PSD2: variants seen among roughly 807,000 people sequenced by gnomAD.
PSD2 encodes PH and SEC7 domain-containing protein 2.
In PSD2, 38 loss-of-function variants were observed where a neutral mutation model predicts 69.8. The observed-to-expected ratio is 0.54, with a 90% CI of 0.42 to 0.71. PSD2 has a LOEUF of 0.71. Ranked by LOEUF, PSD2 falls within the 30% of genes least tolerant of loss-of-function variation. The pLI is 0.00. For synonymous variants in PSD2, 412 were observed against 423.0 expected (o/e 0.97, Z 0.32); for missense variants, 943 against 1,014.5 (o/e 0.93, Z 0.96).
chr5:139,769,470 G>A, the PSD2 span, among the ~76,000 whole-genome samples: 2 of 152,098 alleles, frequency 1.3e-5, no homozygotes, highest in Non-Finnish European at 2.9e-5. Flanking sequence ...GCTCCTCTGT[G>A]GGGGGCAGCC....
chr5:139,834,212 G>A (rs920143340), intron 8 of PSD2, among the ~76,000 whole-genome samples: 20 of 152,152 alleles, frequency 1.3e-4, no homozygotes, highest in African/African-American at 4.8e-4. Context: ...TGGAACTCTA[G>A]CCTTTCTAGT....
the PSD2 span, among the ~76,000 whole-genome samples, chr5:139,782,385 T>C: frequency 1.8e-4 from 28 of 152,220 alleles, 1 homozygote; most frequent in African/African-American, 6.5e-4. Context: ...CGTTTTGCCA[T>C]GTTGGCCAGG....
the PSD2 span, among the ~76,000 whole-genome samples, chr5:139,766,915 T>C: frequency 2.2e-3 from 55 of 25,124 alleles, 1 homozygote; most frequent in Admixed American, 0.011. Flanking sequence ...CTCCCTTCCT[T>C]CCTTCCTTCC....
At chr5:139,774,028 A>T in the PSD2 span, among the ~76,000 whole-genome samples, 1 of 152,020 alleles carries the variant, frequency 6.6e-6, no homozygotes, top group Non-Finnish European at 1.5e-5. Flanking sequence ...GGTTTACATC[A>T]TAGCTCACTG....
upstream of PSD2, among the ~76,000 whole-genome samples, chr5:139,793,441 C>T (rs960719585): frequency 6.6e-6 from 1 of 152,208 alleles, no homozygotes; most frequent in African/African-American, 2.4e-5. Flanking sequence ...TGCCCATAGC[C>T]ACACAGCTAG....
the PSD2 span, among the ~76,000 whole-genome samples, chr5:139,759,046 T>A: frequency 3.3e-5 from 5 of 151,504 alleles, no homozygotes; most frequent in Non-Finnish European, 7.4e-5. Context: ...CAGGTAGTAC[T>A]GAAGGGGAGA....
chr5:139,766,917 C>T, the PSD2 span, among the ~76,000 whole-genome samples: 3,580 of 29,034 alleles, frequency 0.12, 518 homozygotes, highest in Non-Finnish European at 0.17. Context: ...CCCTTCCTTC[C>T]TTCCTTCCTT....
chr5:139,756,684 G>T, the PSD2 span, among the ~76,000 whole-genome samples: 126,719 of 152,132 alleles, frequency 0.83, 53,874 homozygotes, highest in South Asian at 0.93. Context: ...CTGGGCGACT[G>T]TGTTGTCTTA....
chr5:139,811,666 C>A (rs1033752528), intron 2 of PSD2, among the ~76,000 whole-genome samples: 2 of 152,126 alleles, frequency 1.3e-5, no homozygotes, highest in Admixed American at 1.3e-4. Context: ...ACAATCTCAA[C>A]TCACTGCAAG....
intron 1 of PSD2, among the ~76,000 whole-genome samples, chr5:139,809,093 T>G (rs757629571): frequency 9.2e-5 from 14 of 152,154 alleles, no homozygotes; most frequent in Non-Finnish European, 1.3e-4. Flanking sequence ...TGGATCTTCC[T>G]CAGAGGGCTT....
chr5:139,837,653 C>A lies in PSD2; in HGVS notation c.1694C>A (p.Ser565Ter), dbSNP rs370966922. The A allele has an allele frequency of 6.2e-7, 1 of 1,613,286 alleles. No homozygotes were observed. The highest frequency in any genetic ancestry group is 1.7e-5 in the Admixed American group (1 of 59,964). Residue 565 changes from serine (S) to a stop codon, truncating the protein, a stop_gained, in exon 12 of 15, where the codon TCG becomes TAG. Coordinates refer to ENST00000274710, the MANE Select transcript of PSD2 (RefSeq NM_032289.4). LOFTEE classifies it high-confidence loss of function. This position sits in a 1 kb window ranked among gnomAD's most constrained non-coding sequence, Gnocchi z 5.0. ...GAGTACAGGCCTGACAAAGCTCTAT[C>A]GGAGGGTGACCTGAAGAACGCCATT... ...KDEYRPDKAL[S>*]EGDLKNAIRV...
At chr5:139,785,051 GC>G in the PSD2 span, among the ~76,000 whole-genome samples, 1 of 151,862 alleles carries the variant, frequency 6.6e-6, no homozygotes, top group Non-Finnish European at 1.5e-5. Context: ...GAGCCACCTC[GC>G]CCAGCCTACC....
the PSD2 span, among the ~76,000 whole-genome samples, chr5:139,762,109 C>A: frequency 3.3e-5 from 5 of 151,966 alleles, no homozygotes; most frequent in African/African-American, 1.2e-4. Context: ...GTGGCGTAAT[C>A]TCGGCTCACT....
chr5:139,795,755 C>T, upstream of PSD2: 1 of 151,900 alleles, frequency 6.6e-6, no homozygotes. The surrounding 1 kb of genome is among the most constrained non-coding windows in gnomAD (Gnocchi z 4.5). Flanking sequence ...CCCGCCCTTC[C>T]CGCTCCTCCC....
chr5:139,755,428 T>C, the PSD2 span, among the ~76,000 whole-genome samples: 1 of 152,046 alleles, frequency 6.6e-6, no homozygotes, highest in Non-Finnish European at 1.5e-5. Flanking sequence ...TTGGGACATG[T>C]TATGGGGTGC....
At chr5:139,750,220 G>C in the PSD2 span, among the ~76,000 whole-genome samples, 2 of 152,110 alleles carry the variant, frequency 1.3e-5, no homozygotes, top group Non-Finnish European at 2.9e-5. Flanking sequence ...CAGCTACTCA[G>C]AGGCTGAGGC....
At chr5:139,766,930 C>CTTTCT in the PSD2 span, among the ~76,000 whole-genome samples, 282 of 44,098 alleles carry the variant, frequency 6.4e-3, 20 homozygotes, top group East Asian at 8.9e-3. Flanking sequence ...CCTTCCTTCC[C>CTTTCT]TTCTTTCTTT....
At position 139,836,873 on chromosome 5, in the gene PSD2, C is replaced by T. The variant is rs752001061; in HGVS notation, c.1466C>T (p.Thr489Met). ...GTGGATGACAAGTTCGGGACAGGCA[C>T]GAAGAAGGTGACGCGAATCCTGGAT... ...ELVDDKFGTG[T>M]KKVTRILDGG... is the part of the protein sequence containing the mutation. The change falls in exon 10 of 15, where the codon ACG (threonine) becomes ATG (methionine). Residue 489 changes from threonine to methionine, a missense_variant. Physicochemically the swap from Thr to Met is moderately conservative, Grantham distance 81 (BLOSUM62 -1). Transcript: ENST00000274710. The T allele has an allele frequency of 2.5e-5, 41 of 1,614,024 alleles. No individual in the cohort carries two copies. Among genetic ancestry groups the T allele is most frequent in the African/African-American group, 5.3e-5 (4 of 74,914 alleles).
upstream of PSD2, among the ~76,000 whole-genome samples, chr5:139,791,336 G>C (rs941834974): frequency 6.6e-6 from 1 of 151,988 alleles, no homozygotes; most frequent in Non-Finnish European, 1.5e-5. Flanking sequence ...AGGCTGAGAT[G>C]GGAGGATCGC....
Sources: allele counts gnomAD v4.1 joint callset (sites outside exome capture counted in the v4.1 genomes callset), GRCh38; gene constraint gnomAD v4.1.1; non-coding constraint Gnocchi (gnomAD v3.1); transcripts MANE v1.5; gene names NCBI Gene and HGNC (gene_info 2026-07-23, HGNC 2026-07-21).